Variants in FAIM2 observed in about 807,000 individuals in gnomAD.
The protein encoded by FAIM2 is Fas apoptotic inhibitory molecule 2.
In FAIM2, 27 loss-of-function variants were observed where a neutral mutation model predicts 47.4. The ratio of observed to expected loss-of-function variants is 0.57; its 90% CI spans 0.42 to 0.78. FAIM2 has a LOEUF of 0.78. Ranked by LOEUF, FAIM2 falls within the 30% of genes least tolerant of loss-of-function variation. The probability of loss-of-function intolerance (pLI) is 0.00; values close to 1 mark genes in which losing one functional copy is unlikely to be tolerated. For synonymous variants in FAIM2, 156 were observed against 159.3 expected, an observed-to-expected ratio of 0.98 and a Z score of 0.16; for missense variants, 311 against 389.4, an observed-to-expected ratio of 0.80 and a Z score of 1.69.
chr12:49,878,133 AGTGTGCATGTGAGT>A (rs1290240303), intron 11 of FAIM2, among the ~76,000 whole-genome samples: 1 of 96,954 alleles, frequency 1.0e-5, no homozygotes, highest in Non-Finnish European at 2.1e-5. Flanking sequence ...TGTGCATGTG[AGTGTGCATGTGAGT>A]GTGTGTATGA....
intron 5 of FAIM2, among the ~76,000 whole-genome samples, chr12:49,893,251 A>C (rs1419475674): frequency 2.0e-5 from 3 of 150,832 alleles, no homozygotes; most frequent in Non-Finnish European, 4.4e-5. Flanking sequence ...CTCTCACTGC[A>C]CTCTGCCCCT....
chr12:49,900,346 C>T lies in FAIM2; in HGVS notation c.211+784G>A. ...TGATAAAGTGGGAGAGGGGGAGGGG[C>T]TGCTGAGGAAGGCCACAGGGGCTAA... On this transcript the variant is annotated intron_variant, in intron 2 of 11. Coordinates refer to ENST00000320634, the MANE Select transcript of FAIM2 (RefSeq NM_012306.4). The T allele has an allele frequency of 7.4e-6, 4 of 543,230 alleles. No individual in the cohort carries two copies. The South Asian group carries it at 9.4e-5, about 13-fold the overall frequency. 33.7% of individuals were successfully genotyped at this position (543,230 alleles called of 1,614,324 possible).
intron 11 of FAIM2, among the ~76,000 whole-genome samples, chr12:49,880,876 A>ATG (rs1402296264): frequency 2.4e-4 from 17 of 70,098 alleles, no homozygotes; most frequent in East Asian, 1.4e-3. Context: ...ATATGCGTGA[A>ATG]TGTGAGTGTG....
chr12:49,873,164 C>A (rs1565611676), intron 11 of FAIM2, among the ~76,000 whole-genome samples: 2 of 152,090 alleles, frequency 1.3e-5, no homozygotes, highest in Admixed American at 1.3e-4. Context: ...GAGGGAAGGG[C>A]ACTCCAGACA....
intron 5 of FAIM2, among the ~76,000 whole-genome samples, chr12:49,895,981 C>A (rs1325560229): frequency 6.6e-6 from 1 of 152,250 alleles, no homozygotes; most frequent in Non-Finnish European, 1.5e-5. Context: ...GTACCACGTG[C>A]ATTCTCGCCC....
At chr12:49,891,020 C>T in intron 6 of FAIM2, 44 bp downstream of exon 6, 1 of 1,597,552 alleles carries the variant, frequency 6.3e-7, no homozygotes, top group Non-Finnish European at 8.6e-7. Context: ...TTTTCATGAT[C>T]CTGCTCATAT....
intron 2 of FAIM2, among the ~76,000 whole-genome samples, chr12:49,899,256 G>A (rs995049676): frequency 1.2e-4 from 18 of 152,206 alleles, no homozygotes; most frequent in African/African-American, 4.3e-4. Context: ...CCCTCATCGT[G>A]GCCATTTCCA....
chr12:49,900,328 G>A (rs1248853037), intron 2 of FAIM2: 11 of 729,864 alleles, frequency 1.5e-5, no homozygotes, highest in Non-Finnish European at 2.1e-5. Flanking sequence ...GGGTGATAAA[G>A]TGGGAGAGGG....
At chr12:49,882,298 G>A (rs1946831691) in intron 11 of FAIM2, among the ~76,000 whole-genome samples, 1 of 152,176 alleles carries the variant, frequency 6.6e-6, no homozygotes, top group Non-Finnish European at 1.5e-5. Flanking sequence ...TGGAGCTAGG[G>A]GACCACAGAG....
Position 49,889,220 on chromosome 12 carries a change from G to C in FAIM2, c.652-18C>G. 1.9e-6 allele frequency: 3 copies of C among 1,596,472 alleles called. No homozygotes were observed. The highest frequency in any genetic ancestry group is 2.6e-6 in the Non-Finnish European group (3 of 1,168,902). On this transcript the variant is annotated intron_variant, in intron 9 of 11. Transcript: ENST00000320634. ...AAGTCGAACTGTGGGGACAGGATGG[G>C]GTTAGCTGCAGGAGCGGCCTGACCT...
At chr12:49,877,665 C>A (rs1345138969) in intron 11 of FAIM2, among the ~76,000 whole-genome samples, 1 of 15,118 alleles carries the variant, frequency 6.6e-5, no homozygotes, top group East Asian at 2.3e-3. Context: ...TTCTTAAATC[C>A]CTTGGACGCT....
rs189902573 is a variant in FAIM2, at chr12:49,870,689, G to A, written c.802-36C>T. ...TGAGGAGAGAGAGAGAGAGGTCAGA[G>A]GCCCAGGCAGTGTGACACTGACTAT... On this transcript the variant is annotated intron_variant, in intron 11 of 11. Coordinates refer to ENST00000320634, the MANE Select transcript of FAIM2 (RefSeq NM_012306.4). The A allele has an allele frequency of 2.9e-4, 468 of 1,609,300 alleles. 1 individual carries two copies. The African/African-American group carries it at 5.3e-3, about 18-fold the overall frequency.
At chr12:49,887,782 C>T (rs1459214946) in intron 10 of FAIM2, among the ~76,000 whole-genome samples, 1 of 152,118 alleles carries the variant, frequency 6.6e-6, no homozygotes, top group African/African-American at 2.4e-5. Context: ...CTCCCGCCTC[C>T]CAGTGTGCGT....
At chr12:49,873,815 C>T (rs1946718418) in intron 11 of FAIM2, among the ~76,000 whole-genome samples, 1 of 152,176 alleles carries the variant, frequency 6.6e-6, no homozygotes, top group African/African-American at 2.4e-5. Flanking sequence ...CCAGTATGAC[C>T]CATCACTGCC....
intron 11 of FAIM2, among the ~76,000 whole-genome samples, chr12:49,886,006 C>T (rs1285633586): frequency 6.6e-6 from 1 of 152,154 alleles, no homozygotes; most frequent in African/African-American, 2.4e-5. Flanking sequence ...CCCATCCCTT[C>T]CCCCATTTCA....
chr12:49,875,195 A>G (rs1016685790), intron 11 of FAIM2, among the ~76,000 whole-genome samples: 2 of 152,218 alleles, frequency 1.3e-5, no homozygotes, highest in Non-Finnish European at 2.9e-5. Flanking sequence ...AAATAGCACA[A>G]AAGAAGAGTT....
intron 11 of FAIM2, among the ~76,000 whole-genome samples, chr12:49,880,044 A>ATC (rs1946797869): frequency 6.7e-6 from 1 of 148,216 alleles, no homozygotes; most frequent in African/African-American, 2.5e-5. Context: ...GTGTATATGC[A>ATC]TGTGTATATA....
chr12:49,878,004 G>A (rs1188393709), intron 11 of FAIM2, among the ~76,000 whole-genome samples: 1 of 151,486 alleles, frequency 6.6e-6, no homozygotes, highest in East Asian at 1.9e-4. Context: ...ATGTGTGCAT[G>A]TGCATGTGTG....
In FAIM2 at chr12:49,870,593, C is replaced by T. The variant is rs1196660690; in HGVS notation, c.862G>A (p.Glu288Lys). 1.2e-6 allele frequency: 2 copies of T among 1,613,906 alleles called. No individual in the cohort carries two copies. The highest frequency in any genetic ancestry group is 1.7e-6 in the Non-Finnish European group (2 of 1,179,898). Residue 288 changes from glutamate to lysine, a missense_variant, in exon 12 of 12, where the codon GAG becomes AAG. Glu to Lys is a moderately conservative substitution (Grantham distance 56). Transcript: ENST00000320634. ...ATGTTGAGGGCTCCAAAAATATACTCCTCAGGGCTCAGCGAGTGGCGTCGG... is the reference window on the plus strand; with the variant it reads ...ATGTTGAGGGCTCCAAAAATATACTTCTCAGGGCTCAGCGAGTGGCGTCGG... ...GNRRHSLSPE[E>K]YIFGALNIYL...
Sources: allele counts gnomAD v4.1 joint callset (sites outside exome capture counted in the v4.1 genomes callset), GRCh38; gene constraint gnomAD v4.1.1; transcripts MANE v1.5; gene names NCBI Gene and HGNC (gene_info 2026-07-23, HGNC 2026-07-21).